IFT88: variants seen among roughly 807,000 people sequenced by gnomAD.
IFT88 encodes the protein intraflagellar transport protein 88 homolog.
A neutral mutation model predicts 119.5 loss-of-function variants in IFT88; 74 were observed. The ratio of observed to expected loss-of-function variants is 0.62; its 90% CI spans 0.51 to 0.75. IFT88 has a LOEUF of 0.75. IFT88 is among the 30% of genes least tolerant of loss of function. IFT88 has a pLI of 0.00. For synonymous variants in IFT88, 279 were observed against 316.7 expected (o/e 0.88, Z 1.26); for missense variants, 961 against 977.7 (o/e 0.98, Z 0.23).
At chr13:20,652,856 G>A (rs1254188975) in intron 20 of IFT88, among the ~76,000 whole-genome samples, 1 of 152,170 alleles carries the variant, frequency 6.6e-6, no homozygotes, top group Non-Finnish European at 1.5e-5. Flanking sequence ...GTTGGAATGC[G>A]CCTCTAAGCA....
chr13:20,596,186 A>G lies in IFT88; in HGVS notation c.435A>G (p.Val145=), dbSNP rs757842223. 7.7e-6 allele frequency: 12 copies of G among 1,561,614 alleles called. No homozygotes were observed. Among genetic ancestry groups the G allele is most frequent in the Non-Finnish European group, 7.0e-6 (8 of 1,147,598 alleles). Reference sequence around the variant, plus strand: ...AAATAAAGCAATTAGAGAAGGAAGTAAATGAGTTGGTAGAAGAAAGCTGTA... The same window carrying G: ...AAATAAAGCAATTAGAGAAGGAAGTGAATGAGTTGGTAGAAGAAAGCTGTA... ...EEKIKQLEKE[V]NELVEESCIA... is the part of the protein sequence containing the mutation. The change falls in exon 8 of 26, where the codon GTA becomes GTG. Residue 145 remains valine, a synonymous_variant. Coordinates refer to ENST00000351808, the MANE Select transcript of IFT88 (RefSeq NM_006531.5).
intron 24 of IFT88, among the ~76,000 whole-genome samples, chr13:20,673,212 A>G (rs933478265): frequency 2.0e-5 from 3 of 152,064 alleles, no homozygotes; most frequent in Admixed American, 6.6e-5. Context: ...CAACAACCTT[A>G]TGTTAAGTTC....
intron 16 of IFT88, among the ~76,000 whole-genome samples, chr13:20,636,302 A>G (rs181981934): frequency 5.3e-4 from 80 of 152,342 alleles, no homozygotes; most frequent in African/African-American, 1.8e-3. Context: ...ATTGTTCCCT[A>G]ACCTGCCACC....
chr13:20,658,857 C>G (rs1442744723), intron 22 of IFT88, among the ~76,000 whole-genome samples: 5 of 152,104 alleles, frequency 3.3e-5, no homozygotes, highest in Non-Finnish European at 7.3e-5. Context: ...ACCGGAAAAG[C>G]GAATGTCTTC....
chr13:20,659,860 T>C (rs1278278207), intron 22 of IFT88, among the ~76,000 whole-genome samples: 1 of 152,172 alleles, frequency 6.6e-6, no homozygotes, highest in African/African-American at 2.4e-5. Context: ...GCCAGGCTGG[T>C]CTTGAACTCC....
At chr13:20,664,818 G>A (rs1442119755) in intron 23 of IFT88, among the ~76,000 whole-genome samples, 3 of 152,238 alleles carry the variant, frequency 2.0e-5, no homozygotes, top group South Asian at 4.1e-4. Context: ...GGTGGCTCAC[G>A]CCTATAATCC....
intron 15 of IFT88, among the ~76,000 whole-genome samples, chr13:20,630,324 C>A (rs1218191154): frequency 6.6e-6 from 1 of 152,200 alleles, no homozygotes; most frequent in Non-Finnish European, 1.5e-5. Flanking sequence ...GCTAGCTCTA[C>A]AGTGCCTTCA....
intron 17 of IFT88, among the ~76,000 whole-genome samples, chr13:20,640,266 A>C (rs369609729): frequency 1.3e-5 from 2 of 151,854 alleles, no homozygotes; most frequent in East Asian, 3.9e-4. Flanking sequence ...TTATGAAATA[A>C]GAATCTACAT....
chr13:20,680,774 T>C (rs1207656310), intron 24 of IFT88, among the ~76,000 whole-genome samples: 1 of 150,428 alleles, frequency 6.6e-6, no homozygotes, highest in African/African-American at 2.5e-5. Flanking sequence ...GGTATCTTGA[T>C]GGTATCCAAA....
chr13:20,593,938 C>T (rs1355737030), intron 7 of IFT88, among the ~76,000 whole-genome samples: 1 of 151,944 alleles, frequency 6.6e-6, no homozygotes, highest in Non-Finnish European at 1.5e-5. Context: ...GTAGCTCCAG[C>T]TACTCAGAAG....
In IFT88 at chr13:20,638,376, G is replaced by C. The variant is rs776130547; in HGVS notation, c.1431G>C (p.Val477=). 6.8e-7 allele frequency: 1 copy of C among 1,470,082 alleles called. No individual in the cohort carries two copies. Among genetic ancestry groups the C allele is most frequent in the East Asian group, 2.6e-5 (1 of 39,106 alleles). The allele number at this position is 1,470,082 out of a possible 1,614,324, so 91.1% of individuals were successfully genotyped here. A position where few individuals can be genotyped will look rare whatever the true frequency, so the allele number is the denominator to read the frequency against. ...AQASSYADIA[V]NSDRYNPAAL... is the part of the protein sequence containing the mutation. The stretch of plus-strand genomic sequence containing the variant: ...CCAGCAGCTATGCAGATATAGCTGT[G>C]AACTCTGATAGATATAATCCAGCAG... The change falls in exon 17 of 26, where the codon GTG becomes GTC. Residue 477 remains valine (V), a synonymous_variant. Coordinates refer to ENST00000351808, the MANE Select transcript of IFT88 (RefSeq NM_006531.5).
chr13:20,580,182 A>T (rs1393883308), intron 2 of IFT88, among the ~76,000 whole-genome samples: 1 of 152,220 alleles, frequency 6.6e-6, no homozygotes, highest in African/African-American at 2.4e-5. Context: ...TTTGAATATT[A>T]CTTTAATGAC....
At chr13:20,570,914 G>T (rs1182861037) in intron 1 of IFT88, among the ~76,000 whole-genome samples, 3 of 151,994 alleles carry the variant, frequency 2.0e-5, no homozygotes, top group Non-Finnish European at 4.4e-5. Context: ...ATTTTTAAAG[G>T]TTATGAGAAG....
intron 2 of IFT88, among the ~76,000 whole-genome samples, chr13:20,577,669 T>A (rs529836815): frequency 6.6e-6 from 1 of 152,330 alleles, no homozygotes; most frequent in East Asian, 1.9e-4. Flanking sequence ...TTGATTTGCA[T>A]AAGTTGAACC....
In IFT88 at chr13:20,592,440, G is replaced by A. The variant is rs748473498; in HGVS notation, c.398+36G>A. ...CCTTATGTTGTTGTTTGTTGTTGTT[G>A]CTGCATATTTTAAATTTTTATTTTC... On this transcript the variant is annotated intron_variant, in intron 7 of 25. Transcript: ENST00000351808. 4 of 1,469,016 alleles carry A rather than the reference G, an allele frequency of 2.7e-6. No individual in the cohort carries two copies. The Admixed American group carries it at 8.8e-5, about 32-fold the overall frequency. The allele number at this position is 1,469,016 out of a possible 1,614,324, so 91.0% of individuals were successfully genotyped here. A position where few individuals can be genotyped will look rare whatever the true frequency, so the allele number is the denominator to read the frequency against.
At chr13:20,687,920 C>T (rs557750836) in intron 24 of IFT88, among the ~76,000 whole-genome samples, 1 of 152,312 alleles carries the variant, frequency 6.6e-6, no homozygotes, top group African/African-American at 2.4e-5. Flanking sequence ...TATAGACACT[C>T]ATGGGGACCA....
intron 7 of IFT88, among the ~76,000 whole-genome samples, chr13:20,595,272 G>A (rs1396432498): frequency 4.6e-5 from 7 of 151,814 alleles, no homozygotes; most frequent in East Asian, 1.9e-4. Context: ...AGAACCTGTC[G>A]TTTATTTTTA....
intron 20 of IFT88, among the ~76,000 whole-genome samples, chr13:20,652,094 G>A (rs1402452191): frequency 1.3e-5 from 2 of 152,162 alleles, no homozygotes; most frequent in East Asian, 1.9e-4. Context: ...CTGTTTAATG[G>A]TTGCAGAGTG....
chr13:20,669,970 AGAGT>A (rs997388914), intron 23 of IFT88, among the ~76,000 whole-genome samples: 1 of 152,210 alleles, frequency 6.6e-6, no homozygotes, highest in Non-Finnish European at 1.5e-5. Context: ...GAGTTTTAAG[AGAGT>A]ATTTCATCTT....
Sources: gnomAD v4.1 joint callset for allele counts (sites outside exome capture counted in the v4.1 genomes callset) on GRCh38, gnomAD v4.1.1 for gene constraint, MANE v1.5 for transcripts, NCBI Gene and HGNC (gene_info 2026-07-23, HGNC 2026-07-21) for gene names.